Variants in PFKFB1 observed in about 807,000 individuals in gnomAD.
The protein encoded by PFKFB1 is 6-phosphofructo-2-kinase/fructose-2,6-bisphosphatase 1.
PFKFB1 carries 34 observed loss-of-function variants against 46.4 expected under a neutral mutation model. That is an observed-to-expected ratio of 0.73 (90% CI 0.56 to 0.98). The LOEUF is 0.98. Among genes scored for constraint, PFKFB1 ranks in the 50% least tolerant of loss-of-function variants. The pLI, the probability that PFKFB1 is intolerant of heterozygous loss-of-function variation, is 0.00. For missense variants in PFKFB1, 393 were observed against 376.3 expected (o/e 1.04, Z -0.37); for synonymous variants, 119 against 133.8 (o/e 0.89, Z 0.76).
At chrX:54,975,042 T>C (rs1199732680) in intron 1 of PFKFB1, among the ~76,000 whole-genome samples, 1 of 111,651 alleles carries the variant, frequency 9.0e-6, no homozygotes, top group Non-Finnish European at 1.9e-5. Flanking sequence ...GAAAACAGTA[T>C]GGAGATTCCT....
chrX:54,947,617 A>G (rs186871895), intron 9 of PFKFB1, among the ~76,000 whole-genome samples: 35 of 112,289 alleles, frequency 3.1e-4, no homozygotes, highest in Middle Eastern at 9.2e-3. Flanking sequence ...ACACACATAT[A>G]TGTCTGTTTC....
chrX:54,997,536 T>C (rs1488987524), upstream of PFKFB1, among the ~76,000 whole-genome samples: 1 of 112,070 alleles, frequency 8.9e-6, no homozygotes, highest in Non-Finnish European at 1.9e-5. Flanking sequence ...AAGCAGCATA[T>C]GACAGTGCTG....
At chrX:54,953,903 A>AT (rs1276130494) in intron 7 of PFKFB1, among the ~76,000 whole-genome samples, 2 of 111,674 alleles carry the variant, frequency 1.8e-5, no homozygotes, top group Admixed American at 1.9e-4. Flanking sequence ...ACAAAGTGCT[A>AT]TTCTCTTTGC....
chrX:54,961,912 G>A (rs1934325586), intron 2 of PFKFB1, among the ~76,000 whole-genome samples: 1 of 111,248 alleles, frequency 9.0e-6, no homozygotes, highest in Non-Finnish European at 1.9e-5. Flanking sequence ...GTATGGCATT[G>A]GCAGAAGGAA....
intron 1 of PFKFB1, among the ~76,000 whole-genome samples, chrX:54,973,832 G>A (rs1184458740): frequency 9.0e-6 from 1 of 111,321 alleles, no homozygotes; most frequent in Admixed American, 9.6e-5. Context: ...TTGGGGTGGA[G>A]AGTTCTGTAA....
intron 1 of PFKFB1, among the ~76,000 whole-genome samples, chrX:54,973,715 T>A (rs111818443): frequency 0.048 from 5,383 of 111,348 alleles, 278 homozygotes; most frequent in African/African-American, 0.16. Flanking sequence ...CAGTTTGTTA[T>A]AATTTCTGTT....
chrX:54,963,163 T>C (rs765930523), intron 2 of PFKFB1, 94 bp downstream of exon 2: 12 of 800,577 alleles, frequency 1.5e-5, no homozygotes, highest in Admixed American at 1.2e-4. Context: ...TGATGGGGCA[T>C]TTCTGGTATT....
At chrX:54,934,403 G>A (rs960576546) in intron 12 of PFKFB1, among the ~76,000 whole-genome samples, 1 of 111,219 alleles carries the variant, frequency 9.0e-6, no homozygotes, top group African/African-American at 3.3e-5. Flanking sequence ...ACCTGAAGAC[G>A]GATGAGGGTG....
intron 1 of PFKFB1, among the ~76,000 whole-genome samples, chrX:54,990,911 G>GT (rs1399201509): frequency 2.7e-5 from 3 of 112,035 alleles, no homozygotes; most frequent in East Asian, 2.8e-4. Flanking sequence ...TTTAAAAATT[G>GT]TATTGGCAAA....
chrX:54,941,130 A>G (rs752549641), intron 10 of PFKFB1, among the ~76,000 whole-genome samples: 144 of 112,156 alleles, frequency 1.3e-3, no homozygotes, highest in South Asian at 2.2e-3. Flanking sequence ...TGAGAAAAAC[A>G]AGCAATGGGG....
intron 1 of PFKFB1, among the ~76,000 whole-genome samples, chrX:54,972,985 G>A (rs1934724617): frequency 9.0e-6 from 1 of 111,378 alleles, no homozygotes; most frequent in African/African-American, 3.3e-5. Flanking sequence ...TTTTTGGTTG[G>A]TAAGCTATTG....
intron 1 of PFKFB1, among the ~76,000 whole-genome samples, chrX:54,968,958 A>G (rs750945394): frequency 1.7e-4 from 19 of 111,946 alleles, no homozygotes; most frequent in Non-Finnish European, 3.4e-4. Flanking sequence ...CCTCATGAAC[A>G]TAAGAATCCT....
rs200184147 is a variant in PFKFB1 at position 54,933,300 on chromosome X, G to GT, written c.*102dup. On this transcript the variant is annotated 3_prime_UTR_variant, in exon 14 of 14. Transcript: ENST00000375006. Reference sequence around the variant, plus strand: ...GGAGGACTTCTTCACTGGAAGTGGGGTGCCTCAGTGAGGCCAAGGCAGAGT... The same window carrying GT: ...GGAGGACTTCTTCACTGGAAGTGGGGTTGCCTCAGTGAGGCCAAGGCAGAGT... 347 of 651,774 alleles carry GT rather than the reference G, an allele frequency of 5.3e-4. No homozygotes were observed. The East Asian group carries it at 9.2e-3, about 17-fold the overall frequency. The allele number at this position is 651,774 out of a possible 1,213,427, so 53.7% of individuals were successfully genotyped here.
intron 10 of PFKFB1, among the ~76,000 whole-genome samples, chrX:54,941,577 G>A (rs140764035): frequency 0.039 from 4,339 of 111,923 alleles, 226 homozygotes; most frequent in African/African-American, 0.13. Flanking sequence ...CAAAAAGTGG[G>A]TGAAGGATAT....
chrX:54,986,420 T>C (rs985132616), intron 1 of PFKFB1, among the ~76,000 whole-genome samples: 2 of 112,385 alleles, frequency 1.8e-5, no homozygotes, highest in Non-Finnish European at 3.8e-5. Flanking sequence ...AAAATGGATG[T>C]TCAAAAACAT....
upstream of PFKFB1, chrX:54,994,445 A>C: frequency 1.3e-6 from 1 of 754,078 alleles, no homozygotes; most frequent in Non-Finnish European, 1.6e-6. Context: ...TGGGGTATAG[A>C]GGCAAAGGTG....
At chrX:54,962,033 C>T (rs1255184843) in intron 2 of PFKFB1, among the ~76,000 whole-genome samples, 1 of 111,399 alleles carries the variant, frequency 9.0e-6, no homozygotes, top group Non-Finnish European at 1.9e-5. Flanking sequence ...GGATTTAAAC[C>T]TGCAGGCCAA....
In PFKFB1 at chrX:54,933,183, C is replaced by T. The variant is rs1933274543; in HGVS notation, c.*220G>A. The T allele has an allele frequency of 5.0e-5, 21 of 422,303 alleles. No homozygotes were observed. In the South Asian group the frequency reaches 7.3e-4, roughly 15 times the overall value. 34.8% of individuals were successfully genotyped at this position (422,303 alleles called of 1,213,427 possible). A position where few individuals can be genotyped will look rare whatever the true frequency, so the allele number is the denominator to read the frequency against. ...CTCTTGTAGGCAGTAAGTCTTTATT[C>T]GTCAGAGAATAGGAATTAAGAAAGA... On this transcript the variant is annotated 3_prime_UTR_variant, in exon 14 of 14. Coordinates refer to ENST00000375006, the MANE Select transcript of PFKFB1 (RefSeq NM_002625.4).
chrX:54,988,778 A>C (rs942758500), intron 1 of PFKFB1, among the ~76,000 whole-genome samples: 1 of 112,080 alleles, frequency 8.9e-6, no homozygotes, highest in African/African-American at 3.2e-5. Flanking sequence ...GGACAACTGG[A>C]TAGCCACATG....
Sources: gnomAD v4.1 joint callset for allele counts (sites outside exome capture counted in the v4.1 genomes callset) on GRCh38, gnomAD v4.1.1 for gene constraint, MANE v1.5 for transcripts, NCBI Gene and HGNC (gene_info 2026-07-23, HGNC 2026-07-21) for gene names.